Variants in NDUFA5 observed in about 807,000 individuals in gnomAD.
NDUFA5 encodes the protein NADH:ubiquinone oxidoreductase subunit A5.
A neutral mutation model predicts 19.8 loss-of-function variants in NDUFA5; 11 were observed. The observed-to-expected ratio is 0.56, with a 90% CI of 0.35 to 0.92. NDUFA5 has a LOEUF of 0.92. Ranked by LOEUF, NDUFA5 falls within the 40% of genes least tolerant of loss-of-function variation. The pLI is 0.01. For synonymous variants in NDUFA5, 47 were observed against 46.8 expected, an observed-to-expected ratio of 1.00 and a Z score of -0.01; for missense variants, 109 against 134.2, an observed-to-expected ratio of 0.81 and a Z score of 0.93.
chr7:123,600,689 A>C, the NDUFA5 span, among the ~76,000 whole-genome samples: 2 of 152,184 alleles, frequency 1.3e-5, no homozygotes, highest in African/African-American at 4.8e-5. Flanking sequence ...AATACTTCTC[A>C]GTTTGCTTTG....
chr7:123,558,252 G>T (rs2116222074), upstream of NDUFA5: 2 of 187,316 alleles, frequency 1.1e-5, no homozygotes, highest in South Asian at 2.2e-4. Context: ...TTAGTTCTTC[G>T]CACAAGGATA....
At chr7:123,557,335 A>G (rs1318713689) in intron 2 of NDUFA5, 69 bp downstream of exon 2, 4 of 1,605,122 alleles carry the variant, frequency 2.5e-6, no homozygotes, top group Non-Finnish European at 3.4e-6. Context: ...TAACCCTGCA[A>G]TAAGCAAAGT....
the NDUFA5 span, among the ~76,000 whole-genome samples, chr7:123,584,458 A>G: frequency 6.6e-6 from 1 of 151,992 alleles, no homozygotes; most frequent in African/African-American, 2.4e-5. Context: ...CCTAAGAACA[A>G]CTGCTCTATG....
At chr7:123,582,236 G>A in the NDUFA5 span, among the ~76,000 whole-genome samples, 9,445 of 151,890 alleles carry the variant, frequency 0.062, 319 homozygotes, top group Non-Finnish European at 0.078. Flanking sequence ...TGAAGGTAAC[G>A]TCCCTGTGGA....
At chr7:123,584,871 GAGTCAATATTTTAAATATGTAAA>G in the NDUFA5 span, 1 of 151,842 alleles carries the variant, frequency 6.6e-6, no homozygotes, top group South Asian at 2.1e-4. Context: ...TCCTGGGTGA[GAGTCAATATTTTAAATATGTAAA>G]AATATTGAAC....
chr7:123,565,486 G>A, the NDUFA5 span, among the ~76,000 whole-genome samples: 1 of 151,898 alleles, frequency 6.6e-6, no homozygotes. Flanking sequence ...GATAACATAT[G>A]TTTTTATATA....
At chr7:123,569,716 A>T in the NDUFA5 span, among the ~76,000 whole-genome samples, 10 of 152,202 alleles carry the variant, frequency 6.6e-5, no homozygotes, top group Non-Finnish European at 1.2e-4. Flanking sequence ...GTAGAAAAGG[A>T]TGCTAAATGG....
chr7:123,572,165 CAG>C, the NDUFA5 span, among the ~76,000 whole-genome samples: 2 of 94,734 alleles, frequency 2.1e-5, no homozygotes, highest in African/African-American at 8.5e-5. Context: ...TTTTTGGAGA[CAG>C]AGTCTCACTC....
chr7:123,579,807 T>G, the NDUFA5 span, among the ~76,000 whole-genome samples: 10 of 152,080 alleles, frequency 6.6e-5, no homozygotes, highest in South Asian at 2.1e-4. Flanking sequence ...TTCAATATTA[T>G]GAAATTCCTA....
rs1584705551 is a variant in NDUFA5, at chr7:123,557,189, A to G, written c.66+215T>C. 9 of 731,766 alleles carry G rather than the reference A, an allele frequency of 1.2e-5. No homozygotes were observed. In the East Asian group the frequency reaches 2.4e-4, roughly 20 times the overall value. 45.3% of individuals were successfully genotyped at this position (731,766 alleles called of 1,614,324 possible). A position where few individuals can be genotyped will look rare whatever the true frequency, so the allele number is the denominator to read the frequency against. On this transcript the variant is annotated intron_variant, in intron 2 of 4. Coordinates refer to ENST00000355749, the MANE Select transcript of NDUFA5 (RefSeq NM_005000.5). Reference sequence around the variant, plus strand: ...AAATGTCAAGGAAAAAGTCAACAAGAAAACTGGCTTAATAAAGAGGTCATG... The same window carrying G: ...AAATGTCAAGGAAAAAGTCAACAAGGAAACTGGCTTAATAAAGAGGTCATG...
chr7:123,582,683 T>C, the NDUFA5 span, among the ~76,000 whole-genome samples: 1 of 151,878 alleles, frequency 6.6e-6, no homozygotes, highest in Non-Finnish European at 1.5e-5. Flanking sequence ...ATCCTTCAAG[T>C]CTCAGCTCAA....
chr7:123,563,646 T>A, the NDUFA5 span, among the ~76,000 whole-genome samples: 1 of 152,346 alleles, frequency 6.6e-6, no homozygotes, highest in East Asian at 1.9e-4. Flanking sequence ...ACTTGCTTGA[T>A]ACATAGTTGC....
At chr7:123,565,608 C>T in the NDUFA5 span, among the ~76,000 whole-genome samples, 4 of 152,158 alleles carry the variant, frequency 2.6e-5, no homozygotes, top group Non-Finnish European at 4.4e-5. Flanking sequence ...AGGCCGGGTG[C>T]GGTGGCTCAC....
chr7:123,545,505 T>G, intron 4 of NDUFA5, 106 bp downstream of exon 4: 1 of 834,528 alleles, frequency 1.2e-6, no homozygotes, highest in Non-Finnish European at 2.0e-6. Context: ...TCTTACATAT[T>G]TGACGAGTTG....
chr7:123,575,103 AG>A, the NDUFA5 span, among the ~76,000 whole-genome samples: 1 of 142,770 alleles, frequency 7.0e-6, no homozygotes, highest in Non-Finnish European at 1.5e-5. Context: ...ATCTTTGCCT[AG>A]GCAGGCTGTT....
chr7:123,597,336 A>G, the NDUFA5 span, among the ~76,000 whole-genome samples: 8 of 152,194 alleles, frequency 5.3e-5, no homozygotes, highest in South Asian at 1.2e-3. Context: ...CCTTTATTTT[A>G]TTTAATGATG....
the NDUFA5 span, among the ~76,000 whole-genome samples, chr7:123,574,358 G>A: frequency 6.6e-6 from 1 of 152,018 alleles, no homozygotes. Context: ...GTATATGTCG[G>A]AATCACCTGA....
At chr7:123,576,901 A>G in the NDUFA5 span, among the ~76,000 whole-genome samples, 17 of 152,146 alleles carry the variant, frequency 1.1e-4, no homozygotes, top group African/African-American at 3.9e-4. Flanking sequence ...TATGTTTTCT[A>G]TTACTTTATT....
At position 123,540,628 on chromosome 7, in the gene NDUFA5, C is replaced by T. The variant is rs1383845661; in HGVS notation, c.*1491G>A. 6.6e-6 allele frequency: 1 copy of T among 152,000 alleles called. No homozygotes were observed. The highest frequency in any genetic ancestry group is 1.5e-5 in the Non-Finnish European group (1 of 68,008). The allele number at this position is 152,000 out of a possible 1,614,324, so 9.4% of individuals were successfully genotyped here. On this transcript the variant is annotated 3_prime_UTR_variant, in exon 5 of 5. Transcript: ENST00000355749. ...TTTGCAGCATTAGAAATAGGCCATT[C>T]TGAGAAACAGGCCAAACTTGCCTCA... is the stretch of plus-strand genomic sequence containing the variant.
Sources: gnomAD v4.1 joint callset for allele counts (sites outside exome capture counted in the v4.1 genomes callset) on GRCh38, gnomAD v4.1.1 for gene constraint, MANE v1.5 for transcripts, NCBI Gene and HGNC (gene_info 2026-07-23, HGNC 2026-07-21) for gene names.